Variants in EFNA5 observed in about 807,000 individuals in gnomAD.
The protein encoded by EFNA5 is ephrin A5.
Under a neutral mutation model 22.9 loss-of-function variants are expected in EFNA5, and 5 were observed. The ratio of observed to expected loss-of-function variants is 0.22; its 90% confidence interval spans 0.11 to 0.46. The LOEUF (loss-of-function observed/expected upper bound fraction) is 0.46. EFNA5 is among the 20% of genes least tolerant of loss of function. The pLI, the probability that EFNA5 is intolerant of heterozygous loss-of-function variation, is 0.99. For missense variants in EFNA5, 237 were observed against 293.3 expected, an observed-to-expected ratio of 0.81 and a Z score of 1.40; for synonymous variants, 113 against 112.2, an observed-to-expected ratio of 1.01 and a Z score of -0.04.
At chr5:107,610,006 G>C (rs1384413401) in intron 1 of EFNA5, among the ~76,000 whole-genome samples, 1 of 152,182 alleles carries the variant, frequency 6.6e-6, no homozygotes, top group East Asian at 1.9e-4. Context: ...TCAATAGAAA[G>C]GGAAGGGGGA....
At chr5:107,670,208 C>T (rs1264530690) in intron 1 of EFNA5, among the ~76,000 whole-genome samples, 1 of 152,080 alleles carries the variant, frequency 6.6e-6, no homozygotes, top group Non-Finnish European at 1.5e-5. Context: ...CCCTACTCCC[C>T]GGCTCCCGCC....
intron 1 of EFNA5, among the ~76,000 whole-genome samples, chr5:107,450,762 T>G (rs375633260): frequency 9.3e-4 from 141 of 152,328 alleles, no homozygotes; most frequent in African/African-American, 3.2e-3. Flanking sequence ...TATATGGTAT[T>G]GTTGAGGTCA....
intron 3 of EFNA5, 144 bp from the exon 4 acceptor site, chr5:107,387,459 T>C: frequency 1.6e-6 from 1 of 629,438 alleles, no homozygotes; most frequent in East Asian, 2.8e-5. Flanking sequence ...ATGCCAATAT[T>C]GTTCCCATTT....
chr5:107,441,732 C>T (rs1419538280), intron 1 of EFNA5, among the ~76,000 whole-genome samples: 1 of 151,974 alleles, frequency 6.6e-6, no homozygotes, highest in Non-Finnish European at 1.5e-5. Context: ...AAGGGTGGTG[C>T]CTTCTGAATA....
intron 1 of EFNA5, among the ~76,000 whole-genome samples, chr5:107,617,755 G>T (rs900378920): frequency 1.3e-5 from 2 of 152,100 alleles, no homozygotes; most frequent in Non-Finnish European, 2.9e-5. Flanking sequence ...GCTCTGTTGC[G>T]GCTAGAGTGA....
intron 1 of EFNA5, among the ~76,000 whole-genome samples, chr5:107,517,892 C>A (rs192470196): frequency 6.6e-6 from 1 of 152,212 alleles, no homozygotes; most frequent in East Asian, 1.9e-4. Context: ...TTGTCAGGGT[C>A]AAAGTAGAAT....
intron 1 of EFNA5, among the ~76,000 whole-genome samples, chr5:107,615,877 C>A (rs17350017): frequency 1.3e-5 from 2 of 152,140 alleles, no homozygotes; most frequent in East Asian, 1.9e-4. Flanking sequence ...GACACACACA[C>A]CTTGTTTACA....
chr5:107,490,887 A>G (rs1746786175), intron 1 of EFNA5, among the ~76,000 whole-genome samples: 2 of 152,366 alleles, frequency 1.3e-5, no homozygotes, highest in African/African-American at 2.4e-5. Flanking sequence ...TAATTAAGGT[A>G]TCTTGCAGAG....
chr5:107,649,052 G>A (rs994572267), intron 1 of EFNA5, among the ~76,000 whole-genome samples: 7 of 152,082 alleles, frequency 4.6e-5, no homozygotes, highest in Admixed American at 2.0e-4. Context: ...GAGGAAACAC[G>A]ACTTGACCAA....
rs570110055 is a variant in EFNA5, at chr5:107,603,550, T to C, written c.125+66939A>G. Among the ~76,000 whole-genome samples, 4 of 152,332 alleles carry C rather than the reference T, an allele frequency of 2.6e-5. No individual in the cohort carries two copies. The East Asian group carries it at 5.8e-4, about 22-fold the overall frequency. ...GTCATTCACTTCCATAAAATGCAAG[T>C]TCATTTCAATTACTACTGTGGCTCA... On this transcript the variant is annotated intron_variant, in intron 1 of 4. Transcript: ENST00000333274.
At chr5:107,599,894 G>A (rs1012341485) in intron 1 of EFNA5, among the ~76,000 whole-genome samples, 1 of 152,208 alleles carries the variant, frequency 6.6e-6, no homozygotes, top group African/African-American at 2.4e-5. Flanking sequence ...CCTTTAGGCA[G>A]GTAGTTGGAA....
At position 107,586,700 on chromosome 5, in the gene EFNA5, G is replaced by A. The variant is rs1040579542; in HGVS notation, c.125+83789C>T. Among the ~76,000 whole-genome samples the A allele has an allele frequency of 4.6e-5, 7 of 152,276 alleles. No individual in the cohort carries two copies. The South Asian group carries it at 1.2e-3, about 27-fold the overall frequency. ...CCAATAGCCTTGTATTTACAGAAAT[G>A]TACCAATCTTAAAGGAACATAGCCA... is the stretch of plus-strand genomic sequence containing the variant. On this transcript the variant is annotated intron_variant, in intron 1 of 4. Coordinates refer to ENST00000333274, the MANE Select transcript of EFNA5 (RefSeq NM_001962.3).
chr5:107,646,025 C>A (rs2112548710), intron 1 of EFNA5, among the ~76,000 whole-genome samples: 1 of 152,284 alleles, frequency 6.6e-6, no homozygotes, highest in African/African-American at 2.4e-5. Flanking sequence ...CATAGGTTAG[C>A]TCTGGCTTCC....
intron 1 of EFNA5, among the ~76,000 whole-genome samples, chr5:107,601,568 A>T (rs1016251978): frequency 2.0e-5 from 3 of 152,238 alleles, no homozygotes; most frequent in Admixed American, 6.5e-5. Flanking sequence ...GATTAGGTAG[A>T]TAAGGTAATG....
At chr5:107,550,696 C>T (rs1004495808) in intron 1 of EFNA5, among the ~76,000 whole-genome samples, 1 of 152,158 alleles carries the variant, frequency 6.6e-6, no homozygotes, top group African/African-American at 2.4e-5. Flanking sequence ...AGTTTCATTT[C>T]AATTTGGCCA....
In EFNA5 at chr5:107,433,123, G is replaced by T. The variant is rs145976288; in HGVS notation, c.126-5614C>A. The stretch of plus-strand genomic sequence containing the variant: ...GGCTATTAGTAGCTAAGGTTTTCAG[G>T]AGTCAAAAGTTATACCTGGATTTTC... On this transcript the variant is annotated intron_variant, in intron 1 of 4. Coordinates refer to ENST00000333274, the MANE Select transcript of EFNA5 (RefSeq NM_001962.3). 1.5e-4 allele frequency among the ~76,000 whole-genome samples: 23 copies of T among 152,218 alleles called. No individual in the cohort carries two copies. The East Asian group carries it at 4.2e-3, about 28-fold the overall frequency.
chr5:107,413,556 A>G (rs115868726), intron 2 of EFNA5, among the ~76,000 whole-genome samples: 1,578 of 152,170 alleles, frequency 0.01, 18 homozygotes, highest in Admixed American at 0.013. Context: ...CCAGGTACAC[A>G]TTTTCCTTCG....
intron 1 of EFNA5, among the ~76,000 whole-genome samples, chr5:107,571,436 ACAAGTTC>A (rs1391626674): frequency 3.3e-5 from 5 of 152,058 alleles, no homozygotes; most frequent in Non-Finnish European, 5.9e-5. Context: ...AGTCCAGTCA[ACAAGTTC>A]ACTGAATCCA....
rs766457284 is a variant in EFNA5 at position 107,427,432 on chromosome 5, G to A, written c.203C>T (p.Ser68Phe). The A allele has an allele frequency of 1.2e-6, 2 of 1,613,948 alleles. No homozygotes were observed. Among genetic ancestry groups the A allele is most frequent in the East Asian group, 2.2e-5 (1 of 44,866 alleles). ...GCGCTCAGTCTTATCTTCTGGGACG[G>A]AGTCCTCATAGTGAGGGCAGAAAAC... ...LDVFCPHYEDSVPEDKTERYV... is the reference protein window; with the variant it reads ...LDVFCPHYEDFVPEDKTERYV... The change falls in exon 2 of 5, where the codon TCC (serine) becomes TTC (phenylalanine). Residue 68 changes from serine to phenylalanine, a missense_variant. Coordinates refer to ENST00000333274, the MANE Select transcript of EFNA5 (RefSeq NM_001962.3).
Sources: gnomAD v4.1 joint callset for allele counts (sites outside exome capture counted in the v4.1 genomes callset) on GRCh38, gnomAD v4.1.1 for gene constraint, MANE v1.5 for transcripts, NCBI Gene and HGNC (gene_info 2026-07-23, HGNC 2026-07-21) for gene names.